The following NCKAP5 variants were observed in gnomAD, a reference collection of about 807,000 sequenced individuals.
The protein encoded by NCKAP5 is nck-associated protein 5.
NCKAP5 carries 92 observed loss-of-function variants against 167.0 expected under a neutral mutation model. The ratio of observed to expected loss-of-function variants is 0.55; its 90% CI spans 0.47 to 0.66. The LOEUF (loss-of-function observed/expected upper bound fraction) is 0.66. Among genes scored for constraint, NCKAP5 ranks in the 30% least tolerant of loss-of-function variants. The pLI, the probability that NCKAP5 is intolerant of heterozygous loss-of-function variation, is 0.00. For missense variants in NCKAP5, 2,378 were observed against 2,315.0 expected, an observed-to-expected ratio of 1.03 and a Z score of -0.56; for synonymous variants, 891 against 877.4, an observed-to-expected ratio of 1.02 and a Z score of -0.27.
chr2:133,447,946 GGCC>G (rs1408878403), intron 3 of NCKAP5, among the ~76,000 whole-genome samples: 8 of 152,188 alleles, frequency 5.3e-5, no homozygotes, highest in Admixed American at 1.3e-4. Context: ...CACATGCATG[GGCC>G]ATTTCACCTC....
chr2:132,894,492 C>A (rs1692982440), intron 8 of NCKAP5, among the ~76,000 whole-genome samples: 1 of 152,114 alleles, frequency 6.6e-6, no homozygotes, highest in Admixed American at 6.5e-5. Flanking sequence ...ATGTATGACT[C>A]TAGTTCTTAA....
intron 19 of NCKAP5, among the ~76,000 whole-genome samples, chr2:132,722,073 C>T (rs181230038): frequency 6.6e-6 from 1 of 152,192 alleles, no homozygotes; most frequent in Admixed American, 6.5e-5. Flanking sequence ...CAACTTCAAG[C>T]AGTAAATTTA....
At chr2:133,639,099 A>G in the NCKAP5 span, among the ~76,000 whole-genome samples, 5 of 152,202 alleles carry the variant, frequency 3.3e-5, no homozygotes, top group Non-Finnish European at 7.3e-5. Context: ...AATCATAATG[A>G]AAACACTCTG....
At chr2:133,105,979 C>T (rs1015006832) in intron 6 of NCKAP5, among the ~76,000 whole-genome samples, 24 of 152,080 alleles carry the variant, frequency 1.6e-4, no homozygotes, top group Admixed American at 1.6e-3. Flanking sequence ...CTCACCGACC[C>T]ATCCTCCTTC....
At chr2:132,907,550 C>T (rs1355602487) in intron 8 of NCKAP5, among the ~76,000 whole-genome samples, 1 of 152,178 alleles carries the variant, frequency 6.6e-6, no homozygotes, top group African/African-American at 2.4e-5. Flanking sequence ...GAAGCCATCA[C>T]CTGTATGTGC....
intron 6 of NCKAP5, among the ~76,000 whole-genome samples, chr2:133,043,866 GTTT>G (rs60249951): frequency 7.1e-6 from 1 of 141,718 alleles, no homozygotes; most frequent in Non-Finnish European, 1.6e-5. Flanking sequence ...TTCTGTAATA[GTTT>G]TTTTTTTTTT....
chr2:133,602,880 C>A, the NCKAP5 span, among the ~76,000 whole-genome samples: 2 of 152,140 alleles, frequency 1.3e-5, no homozygotes, highest in African/African-American at 4.8e-5. Context: ...AGGCCTTCTG[C>A]TGAATGTCAG....
At chr2:133,611,344 T>C in the NCKAP5 span, among the ~76,000 whole-genome samples, 3 of 146,456 alleles carry the variant, frequency 2.0e-5, no homozygotes, top group Non-Finnish European at 3.0e-5. Context: ...ACAGCAGCCA[T>C]AGTCCTCCAC....
upstream of NCKAP5, among the ~76,000 whole-genome samples, chr2:133,568,720 C>A (rs536530770): frequency 6.6e-6 from 1 of 152,166 alleles, no homozygotes; most frequent in African/African-American, 2.4e-5. Context: ...CCAGCTTACA[C>A]TGGAATAGCT....
intron 5 of NCKAP5, among the ~76,000 whole-genome samples, chr2:133,165,603 G>A (rs1392752561): frequency 2.0e-5 from 3 of 152,108 alleles, no homozygotes; most frequent in Non-Finnish European, 4.4e-5. Context: ...AAAAGCTGGG[G>A]TGATAGAACA....
At chr2:133,205,805 A>G (rs1199892911) in intron 5 of NCKAP5, among the ~76,000 whole-genome samples, 1 of 152,008 alleles carries the variant, frequency 6.6e-6, no homozygotes, top group African/African-American at 2.4e-5. Flanking sequence ...CTCCATCAAT[A>G]TCTCATACAT....
Position 132,945,900 on chromosome 2 carries a change from T to A in NCKAP5, c.579+17820A>T, listed in dbSNP as rs565007728. ...TCATTTCTACCATGCTGCCTCAGTA[T>A]TACGAAAATGTCAAAACACTAAGGT... On this transcript the variant is annotated intron_variant, in intron 8 of 19. Transcript: ENST00000409261. 2.6e-5 allele frequency among the ~76,000 whole-genome samples: 4 copies of A among 152,316 alleles called. No homozygotes were observed. In the South Asian group the frequency reaches 8.3e-4, roughly 32 times the overall value.
At chr2:132,712,374 T>A (rs930686269) in intron 19 of NCKAP5, among the ~76,000 whole-genome samples, 4 of 152,086 alleles carry the variant, frequency 2.6e-5, no homozygotes, top group Non-Finnish European at 4.4e-5. Flanking sequence ...GATTCAGGCC[T>A]GGCGGGGTGG....
At chr2:133,526,343 A>C (rs1684925602) in intron 2 of NCKAP5, among the ~76,000 whole-genome samples, 1 of 148,136 alleles carries the variant, frequency 6.8e-6, no homozygotes, top group Non-Finnish European at 1.5e-5. Context: ...GAGGGAGGGA[A>C]TACATGTCCT....
chr2:133,156,630 T>A (rs1016930112), intron 5 of NCKAP5, among the ~76,000 whole-genome samples: 2 of 152,154 alleles, frequency 1.3e-5, no homozygotes, highest in Admixed American at 1.3e-4. Flanking sequence ...TCCACGACAA[T>A]GCTTGTATCT....
intron 7 of NCKAP5, among the ~76,000 whole-genome samples, chr2:132,970,340 T>C (rs1212487552): frequency 6.6e-6 from 1 of 152,152 alleles, no homozygotes; most frequent in Non-Finnish European, 1.5e-5. Context: ...TACTGTGTAT[T>C]TGTCTTACGA....
rs3069016 is a variant in NCKAP5 at position 132,687,712 on chromosome 2, AACACACACAC to A, written c.5714-14417_5714-14408del. ...ACTGCTAAGCACGGACACCTACCTAAACACACACACACACACACACACACACACACACACA... is the reference window on the plus strand; with the variant it reads ...ACTGCTAAGCACGGACACCTACCTAAACACACACACACACACACACACACA... On this transcript the variant is annotated intron_variant, in intron 19 of 19. Transcript: ENST00000409261. Among the ~76,000 whole-genome samples, 154 of 131,658 alleles carry A rather than the reference AACACACACAC, an allele frequency of 1.2e-3. 1 individual carries two copies. The highest frequency in any genetic ancestry group is 3.5e-3 in the African/African-American group (126 of 35,540). 86.4% of individuals were successfully genotyped at this position (131,658 alleles called of 152,430 possible). A position where few individuals can be genotyped will look rare whatever the true frequency, so the allele number is the denominator to read the frequency against.
At chr2:133,663,143 G>GTAA in the NCKAP5 span, among the ~76,000 whole-genome samples, 1 of 152,110 alleles carries the variant, frequency 6.6e-6, no homozygotes, top group Admixed American at 6.5e-5. Context: ...GCGGGCGCCT[G>GTAA]TAGTCCCAGC....
the NCKAP5 span, among the ~76,000 whole-genome samples, chr2:133,653,139 T>C: frequency 6.6e-6 from 1 of 152,192 alleles, no homozygotes; most frequent in Non-Finnish European, 1.5e-5. Context: ...TGCATCCAAC[T>C]CTAGTTTGAA....
Sources: allele counts gnomAD v4.1 joint callset (sites outside exome capture counted in the v4.1 genomes callset), GRCh38; gene constraint gnomAD v4.1.1; transcripts MANE v1.5; gene names NCBI Gene and HGNC (gene_info 2026-07-23, HGNC 2026-07-21).